FBXO46: variants seen among roughly 807,000 people sequenced by gnomAD.
FBXO46 encodes the protein F-box only protein 46.
FBXO46 carries 13 observed loss-of-function variants against 30.7 expected under a neutral mutation model. The ratio of observed to expected loss-of-function variants is 0.42; its 90% CI spans 0.28 to 0.67. The LOEUF (loss-of-function observed/expected upper bound fraction) is 0.67, where lower values mean the gene tolerates loss of function less well. Among genes scored for constraint, FBXO46 ranks in the 30% least tolerant of loss-of-function variants. FBXO46 has a pLI of 0.21. For synonymous variants in FBXO46, 467 were observed against 385.8 expected, an observed-to-expected ratio of 1.21 and a Z score of -2.47; for missense variants, 754 against 871.5, an observed-to-expected ratio of 0.87 and a Z score of 1.70.
chr19:45,729,122 C>CA (rs751321540), intron 1 of FBXO46, among the ~76,000 whole-genome samples: 11 of 149,950 alleles, frequency 7.3e-5, no homozygotes, highest in Non-Finnish European at 1.6e-4. Context: ...CAAAACTAAA[C>CA]AAAAAACCAT....
At chr19:45,716,814 C>G (rs994240392) in intron 1 of FBXO46, 5 of 152,190 alleles carry the variant, frequency 3.3e-5, no homozygotes, top group African/African-American at 1.2e-4. Context: ...TAATCCTCCT[C>G]GGTCCCTAGG....
chr19:45,712,449 C>G lies in FBXO46; in HGVS notation c.1047G>C (p.Pro349=). ...PAPARPEDTP[P]APPPPPARDC... ...CCCGGGCAGGGGGCGGAGGGGGCGC[C>G]GGGGGAGTGTCCTCAGGCCTGGCGG... The change falls in exon 2 of 2, where the codon CCG becomes CCC. Residue 349 remains proline, a synonymous_variant. Transcript: ENST00000317683. This position sits in a 1 kb window ranked among gnomAD's most constrained non-coding sequence, Gnocchi z 8.8. 6.2e-7 allele frequency: 1 copy of G among 1,611,094 alleles called. No individual in the cohort carries two copies. The highest frequency in any genetic ancestry group is 8.5e-7 in the Non-Finnish European group (1 of 1,179,198).
At position 45,712,881 on chromosome 19, in the gene FBXO46, C is replaced by A. The variant is rs775776646; in HGVS notation, c.615G>T (p.Glu205Asp). 86 of 1,613,340 alleles carry A rather than the reference C, an allele frequency of 5.3e-5. No individual in the cohort carries two copies. Among genetic ancestry groups the A allele is most frequent in the Non-Finnish European group, 7.1e-5 (84 of 1,179,724 alleles). ...CCACCCCCTTGGCCGGTCCACCTTG[C>A]TCGGCGGACACAAAGACTACAGGCG... The part of the protein sequence containing the change: ...TPAPVVFVSA[E>D]QGGPAKGVGS... Residue 205 changes from glutamate (E) to aspartate (D), a missense_variant, in exon 2 of 2, where the codon GAG becomes GAT. By Grantham distance (45) the Glu-to-Asp change is conservative. Coordinates refer to ENST00000317683, the MANE Select transcript of FBXO46 (RefSeq NM_001080469.2). The surrounding 1 kb of genome is among the most constrained non-coding windows in gnomAD (Gnocchi z 8.8).
chr19:45,712,913 T>C lies in FBXO46; in HGVS notation c.583A>G (p.Thr195Ala), dbSNP rs769083871. 5 of 1,609,054 alleles carry C rather than the reference T, an allele frequency of 3.1e-6. No homozygotes were observed. The highest frequency in any genetic ancestry group is 4.2e-6 in the Non-Finnish European group (5 of 1,178,032). ...LALQSYPRPTTPAPVVFVSAE... is the reference protein window; with the variant it reads ...LALQSYPRPTAPAPVVFVSAE... ...GACACAAAGACTACAGGCGCTGGGG[T>C]GGTCGGTCGTGGGTAGCTCTGCAGG... The change falls in exon 2 of 2, where the codon ACC becomes GCC. Residue 195 changes from threonine to alanine, a missense_variant. Thr to Ala is a moderately conservative substitution (Grantham distance 58). This residue lies in a region of FBXO46 where 454 missense variants were observed against 426.5 expected (regional missense o/e 1.06). Transcript: ENST00000317683. The surrounding 1 kb of genome is among the most constrained non-coding windows in gnomAD (Gnocchi z 8.8).
In FBXO46 at chr19:45,712,998, G is replaced by C. The variant is rs148986286; in HGVS notation, c.498C>G (p.Asp166Glu). Residue 166 changes from aspartate to glutamate, a missense_variant, in exon 2 of 2, where the codon GAC (aspartate) becomes GAG (glutamate). This residue lies in a region of FBXO46 where 454 missense variants were observed against 426.5 expected (regional missense o/e 1.06). Coordinates refer to ENST00000317683, the MANE Select transcript of FBXO46 (RefSeq NM_001080469.2). This position sits in a 1 kb window ranked among gnomAD's most constrained non-coding sequence, Gnocchi z 8.8. Reference sequence around the variant, plus strand: ...TCTCGGCCACAGAGAGCAGGTCCACGTCCTCACCGGCTGAGGCGGGGCCCT... The same window carrying C: ...TCTCGGCCACAGAGAGCAGGTCCACCTCCTCACCGGCTGAGGCGGGGCCCT... The part of the protein sequence containing the change: ...AEEGPASAGE[D>E]VDLLSVAEMV... 1 of 1,564,828 alleles carries C rather than the reference G, an allele frequency of 6.4e-7. No homozygotes were observed. The highest frequency in any genetic ancestry group is 1.4e-5 in the African/African-American group (1 of 73,688).
intron 1 of FBXO46, among the ~76,000 whole-genome samples, chr19:45,727,695 C>A (rs1282279294): frequency 2.6e-5 from 4 of 152,322 alleles, no homozygotes; most frequent in East Asian, 3.9e-4. Flanking sequence ...CTTACTATCA[C>A]AGCCAATGAA....
Position 45,712,999 on chromosome 19 carries a change from T to C in FBXO46, c.497A>G (p.Asp166Gly). 1.3e-6 allele frequency: 2 copies of C among 1,565,180 alleles called. No homozygotes were observed. Among genetic ancestry groups the C allele is most frequent in the Non-Finnish European group, 1.7e-6 (2 of 1,155,838 alleles). Reference sequence around the variant, plus strand: ...CTCGGCCACAGAGAGCAGGTCCACGTCCTCACCGGCTGAGGCGGGGCCCTC... The same window carrying C: ...CTCGGCCACAGAGAGCAGGTCCACGCCCTCACCGGCTGAGGCGGGGCCCTC... ...AEEGPASAGE[D>G]VDLLSVAEMV... Residue 166 changes from aspartate (D) to glycine (G), a missense_variant, in exon 2 of 2, where the codon GAC becomes GGC. Around this residue, in one of 5 missense-constraint regions of FBXO46, gnomAD observed 454 missense variants for 426.5 expected, o/e 1.06. Transcript: ENST00000317683. The surrounding 1 kb of genome is among the most constrained non-coding windows in gnomAD (Gnocchi z 8.8).
In FBXO46 at chr19:45,722,251, C is replaced by T. The variant is rs1156667370; in HGVS notation, c.-79+8598G>A. 3.3e-5 allele frequency among the ~76,000 whole-genome samples: 5 copies of T among 152,248 alleles called. No individual in the cohort carries two copies. The South Asian group carries it at 1.0e-3, about 32-fold the overall frequency. On this transcript the variant is annotated intron_variant, in intron 1 of 1. Transcript: ENST00000317683. ...TAAGTTTTCCTTTCTGACTAATGGT[C>T]CCTGAAGGCAGGAATCATCCAAGCC...
chr19:45,711,324 G>T lies in FBXO46; in HGVS notation c.*360C>A, dbSNP rs1967956684. On this transcript the variant is annotated 3_prime_UTR_variant, in exon 2 of 2. Coordinates refer to ENST00000317683, the MANE Select transcript of FBXO46 (RefSeq NM_001080469.2). Reference sequence around the variant, plus strand: ...GGGAGAGGATGGGGGCCAGAATGGGGGGACCCTTAAGTGGTACCAAAATTA... The same window carrying T: ...GGGAGAGGATGGGGGCCAGAATGGGTGGACCCTTAAGTGGTACCAAAATTA... The T allele has an allele frequency of 2.1e-6, 1 of 470,310 alleles. No homozygotes were observed. The highest frequency in any genetic ancestry group is 4.1e-6 in the Non-Finnish European group (1 of 245,804). 29.1% of individuals were successfully genotyped at this position (470,310 alleles called of 1,614,324 possible).
In FBXO46 at chr19:45,712,207, G is replaced by C. The variant is rs1157976554; in HGVS notation, c.1289C>G (p.Thr430Ser). 1.2e-6 allele frequency: 2 copies of C among 1,605,468 alleles called. No homozygotes were observed. Among genetic ancestry groups the C allele is most frequent in the East Asian group, 4.5e-5 (2 of 44,712 alleles). ...PEPPPADSPA[T>S]APGPDDAEGT... The stretch of plus-strand genomic sequence containing the variant: ...CTCGGCATCGTCTGGGCCGGGCGCA[G>C]TGGCCGGGGAGTCGGCCGGGGGTGG... Residue 430 changes from threonine to serine, a missense_variant, in exon 2 of 2, where the codon ACT becomes AGT. Around this residue, in one of 5 missense-constraint regions of FBXO46, gnomAD observed 162 missense variants for 258.7 expected, o/e 0.63. Coordinates refer to ENST00000317683, the MANE Select transcript of FBXO46 (RefSeq NM_001080469.2). The surrounding 1 kb of genome is among the most constrained non-coding windows in gnomAD (Gnocchi z 8.8).
At position 45,711,587 on chromosome 19, in the gene FBXO46, G is replaced by A. The variant is rs879716663; in HGVS notation, c.*97C>T. 7.5e-6 allele frequency: 7 copies of A among 936,334 alleles called. No individual in the cohort carries two copies. Among genetic ancestry groups the A allele is most frequent in the East Asian group, 2.6e-5 (1 of 38,268 alleles). 58.0% of individuals were successfully genotyped at this position (936,334 alleles called of 1,614,324 possible). A position where few individuals can be genotyped will look rare whatever the true frequency, so the allele number is the denominator to read the frequency against. On this transcript the variant is annotated 3_prime_UTR_variant, in exon 2 of 2. Coordinates refer to ENST00000317683, the MANE Select transcript of FBXO46 (RefSeq NM_001080469.2). The stretch of plus-strand genomic sequence containing the variant: ...CGGTGAGGGATCAATGCTGCCTGGA[G>A]TAGGGGAATGGGCAGGCGGCCCAGT...
intron 1 of FBXO46, among the ~76,000 whole-genome samples, chr19:45,722,025 T>C (rs912628090): frequency 1.3e-5 from 2 of 152,124 alleles, no homozygotes; most frequent in Non-Finnish European, 2.9e-5. Context: ...GGTTTCACCA[T>C]GTTGGCCAGG....
In FBXO46 at chr19:45,712,839, G is replaced by T. The variant is rs756006396; in HGVS notation, c.657C>A (p.Ser219=). The T allele has an allele frequency of 6.2e-7, 1 of 1,612,914 alleles. No individual in the cohort carries two copies. Among genetic ancestry groups the T allele is most frequent in the Non-Finnish European group, 8.5e-7 (1 of 1,179,660 alleles). Residue 219 remains serine, a synonymous_variant, in exon 2 of 2, where the codon TCC becomes TCA. Transcript: ENST00000317683. The surrounding 1 kb of genome is among the most constrained non-coding windows in gnomAD (Gnocchi z 8.8). Reference sequence around the variant, plus strand: ...CTACACGGCTGCAGTCCCCACCACCGGACCGCCGTTCAGATCCCACCCCCT... The same window carrying T: ...CTACACGGCTGCAGTCCCCACCACCTGACCGCCGTTCAGATCCCACCCCCT... The part of the protein sequence containing the change: ...PAKGVGSERR[S]GGGDCSRVAE...
At chr19:45,731,273 A>C (rs552943222), upstream of FBXO46, among the ~76,000 whole-genome samples, 4 of 151,182 alleles carry the variant, frequency 2.6e-5, no homozygotes, top group African/African-American at 9.7e-5. Context: ...ACAATAGCTA[A>C]CAGCTCCTTG....
intron 1 of FBXO46, among the ~76,000 whole-genome samples, chr19:45,729,844 T>C (rs1042785492): frequency 6.6e-6 from 1 of 152,084 alleles, no homozygotes; most frequent in Non-Finnish European, 1.5e-5. Context: ...TGAGCTGGGG[T>C]GTGTGCCCAG....
At chr19:45,729,366 G>C (rs1385405867) in intron 1 of FBXO46, among the ~76,000 whole-genome samples, 1 of 152,220 alleles carries the variant, frequency 6.6e-6, no homozygotes, top group Non-Finnish European at 1.5e-5. Context: ...GGGAGGCAGA[G>C]GCTACAGTTA....
rs1203107908 is a variant in FBXO46, at chr19:45,713,771, C to T, written c.-78-198G>A. On this transcript the variant is annotated intron_variant, in intron 1 of 1. Transcript: ENST00000317683. This position sits in a 1 kb window ranked among gnomAD's most constrained non-coding sequence, Gnocchi z 4.7. ...TCACCTGAGGTCAGGAGTTTGAGAC[C>T]AGCCTGGCCAACATGGTGATACCCC... 2.0e-5 allele frequency among the ~76,000 whole-genome samples: 3 copies of T among 151,952 alleles called. No homozygotes were observed. In the East Asian group the frequency reaches 5.8e-4, roughly 29 times the overall value.
chr19:45,730,484 C>G (rs1357539547), intron 1 of FBXO46, among the ~76,000 whole-genome samples: 3 of 151,934 alleles, frequency 2.0e-5, no homozygotes, highest in Non-Finnish European at 4.4e-5. Context: ...AGCTTCCAGA[C>G]CCCCTCACTC....
chr19:45,727,729 A>T (rs1358528463), intron 1 of FBXO46, among the ~76,000 whole-genome samples: 1 of 152,126 alleles, frequency 6.6e-6, no homozygotes, highest in Non-Finnish European at 1.5e-5. Context: ...GCTCACAATA[A>T]ACCAAACTGT....
Sources: gnomAD v4.1 joint callset for allele counts (sites outside exome capture counted in the v4.1 genomes callset) on GRCh38, gnomAD v4.1.1 for gene constraint, gnomAD v4.1.1 regional missense constraint, Gnocchi (gnomAD v3.1) non-coding constraint, MANE v1.5 for transcripts, NCBI Gene and HGNC (gene_info 2026-07-23, HGNC 2026-07-21) for gene names.